Variants in FAT1 observed in about 807,000 individuals in gnomAD.
FAT1 encodes protocadherin Fat 1.
Under a neutral mutation model 329.8 loss-of-function variants are expected in FAT1, and 171 were observed. The observed-to-expected ratio is 0.52, with a 90% CI of 0.46 to 0.59. FAT1 has a LOEUF of 0.59. Ranked by LOEUF, FAT1 falls within the 20% of genes least tolerant of loss-of-function variation. The probability of loss-of-function intolerance (pLI) is 0.00; values close to 1 mark genes in which losing one functional copy is unlikely to be tolerated. For synonymous variants in FAT1, 2,233 were observed against 2,228.6 expected (o/e 1.00, Z -0.06); for missense variants, 5,672 against 5,774.4 (o/e 0.98, Z 0.57).
At chr4:186,723,189 C>G (rs1187040041) in intron 1 of FAT1, among the ~76,000 whole-genome samples, 1 of 152,260 alleles carries the variant, frequency 6.6e-6, no homozygotes, top group East Asian at 1.9e-4. Flanking sequence ...CGCAGCCCTT[C>G]ACTCCGCAGT....
intron 2 of FAT1, among the ~76,000 whole-genome samples, chr4:186,691,554 G>A (rs968894732): frequency 1.3e-5 from 2 of 152,156 alleles, no homozygotes; most frequent in Non-Finnish European, 2.9e-5. Context: ...TAATGTCAGC[G>A]CTTTGGGAGG....
In FAT1 at chr4:186,588,733, G is replaced by A. The variant is rs1738075623; in HGVS notation, c.13626C>T (p.Ser4542=). ...VESMPMSVYA[S]TASCSDVSAC... is the part of the protein sequence containing the mutation. ...CTGACACGTCAGAGCAGGAGGCGGT[G>A]GAGGCGTACACAGACATGGGCATGC... Residue 4542 remains serine (S), a synonymous_variant, in exon 27 of 27, where the codon TCC becomes TCT. Coordinates refer to ENST00000441802, the MANE Select transcript of FAT1 (RefSeq NM_005245.4). The A allele has an allele frequency of 6.2e-7, 1 of 1,613,976 alleles. No individual in the cohort carries two copies. The highest frequency in any genetic ancestry group is 8.5e-7 in the Non-Finnish European group (1 of 1,179,884).
intron 2 of FAT1, among the ~76,000 whole-genome samples, chr4:186,665,824 G>C (rs1234458098): frequency 1.3e-5 from 2 of 151,980 alleles, no homozygotes; most frequent in Non-Finnish European, 2.9e-5. Context: ...AAGAAAATGT[G>C]GCACCTACAC....
intron 11 of FAT1, among the ~76,000 whole-genome samples, chr4:186,614,743 A>C (rs1244719377): frequency 6.6e-6 from 1 of 152,222 alleles, no homozygotes; most frequent in East Asian, 1.9e-4. Flanking sequence ...TCATTTCCAA[A>C]TACAGGAATT....
Position 186,618,627 on chromosome 4 carries a change from G to T in FAT1, c.7959C>A (p.Gly2653=), listed in dbSNP as rs768622107. 6.2e-7 allele frequency: 1 copy of T among 1,613,998 alleles called. No homozygotes were observed. Among genetic ancestry groups the T allele is most frequent in the South Asian group, 1.1e-5 (1 of 91,084 alleles). The change falls in exon 10 of 27, where the codon GGC becomes GGA. Residue 2653 remains glycine, a synonymous_variant. Transcript: ENST00000441802. ...KENLEINKLS[G]VITTKESLIG... ...TGAGGCTCTCCTTTGTAGTGATTACGCCGGACAGTTTGTTAATTTCCAAAT... is the reference window on the plus strand; with the variant it reads ...TGAGGCTCTCCTTTGTAGTGATTACTCCGGACAGTTTGTTAATTTCCAAAT...
chr4:186,628,515 A>G lies in FAT1; in HGVS notation c.4572T>C (p.Ala1524=), dbSNP rs2126544118. ...TGACCGTGAGGGTGTGCTGGTGAAC[A>G]GCTTCATGATCCAGTTTCTCAGAAG... ...LYTSEKLDHE[A]VHQHTLTVMV... Residue 1524 remains alanine (A), a synonymous_variant, in exon 8 of 27, where the codon GCT becomes GCC. Coordinates refer to ENST00000441802, the MANE Select transcript of FAT1 (RefSeq NM_005245.4). 2 of 1,614,064 alleles carry G rather than the reference A, an allele frequency of 1.2e-6. No homozygotes were observed. Among genetic ancestry groups the G allele is most frequent in the South Asian group, 2.2e-5 (2 of 91,086 alleles).
chr4:186,690,079 A>T (rs1560994793), intron 2 of FAT1, among the ~76,000 whole-genome samples: 1 of 152,206 alleles, frequency 6.6e-6, no homozygotes, highest in East Asian at 1.9e-4. Flanking sequence ...AACAAAAAAC[A>T]TGTTACTGCA....
intron 2 of FAT1, among the ~76,000 whole-genome samples, chr4:186,669,678 C>G (rs190241868): frequency 1.3e-5 from 2 of 152,198 alleles, no homozygotes; most frequent in Admixed American, 1.3e-4. Context: ...CAGTGGAGAA[C>G]GAGACTGAAG....
At chr4:186,690,759 T>A (rs1445527125) in intron 2 of FAT1, among the ~76,000 whole-genome samples, 1 of 152,202 alleles carries the variant, frequency 6.6e-6, no homozygotes, top group Non-Finnish European at 1.5e-5. Context: ...AGTTGAACTC[T>A]ACATAAGTCT....
chr4:186,623,327 C>T (rs79713215), intron 9 of FAT1, among the ~76,000 whole-genome samples: 6,565 of 152,210 alleles, frequency 0.043, 315 homozygotes, highest in East Asian at 0.18. Context: ...CATTTTTGGC[C>T]GTCGTCAGAA....
intron 2 of FAT1, among the ~76,000 whole-genome samples, chr4:186,701,714 A>G (rs1744323865): frequency 6.6e-6 from 1 of 152,234 alleles, no homozygotes; most frequent in African/African-American, 2.4e-5. Flanking sequence ...GAGGACGTGC[A>G]GCAGGAGCAG....
intron 14 of FAT1, among the ~76,000 whole-genome samples, chr4:186,610,944 C>T (rs574540856): frequency 1.2e-4 from 18 of 151,600 alleles, no homozygotes; most frequent in Non-Finnish European, 2.4e-4. Context: ...AGCATGATAA[C>T]GAAGTCAACT....
chr4:186,647,690 AT>A (rs1376282272), intron 3 of FAT1, among the ~76,000 whole-genome samples: 1 of 151,976 alleles, frequency 6.6e-6, no homozygotes, highest in Admixed American at 6.6e-5. Context: ...GATACATACC[AT>A]TTTCACCCGA....
Position 186,589,246 on chromosome 4 carries a change from A to C in FAT1, c.13139-26T>G, listed in dbSNP as rs573650468. On this transcript the variant is annotated intron_variant, in intron 26 of 26. Coordinates refer to ENST00000441802, the MANE Select transcript of FAT1 (RefSeq NM_005245.4). Reference sequence around the variant, plus strand: ...CTTGGTGGAAAAGAAAACAGATGTCAGTGTGTTTTCTCCTAAGCTTTTGTG... The same window carrying C: ...CTTGGTGGAAAAGAAAACAGATGTCCGTGTGTTTTCTCCTAAGCTTTTGTG... The C allele has an allele frequency of 4.4e-6, 7 of 1,574,926 alleles. No homozygotes were observed. In the Admixed American group the frequency reaches 1.1e-4, roughly 25 times the overall value.
Position 186,708,606 on chromosome 4 carries a change from T to C in FAT1, c.1222A>G (p.Lys408Glu), listed in dbSNP as rs2126697708. 2 of 1,613,998 alleles carry C rather than the reference T, an allele frequency of 1.2e-6. No individual in the cohort carries two copies. The highest frequency in any genetic ancestry group is 2.2e-5 in the South Asian group (2 of 91,082). The change falls in exon 2 of 27, where the codon AAA becomes GAA. Residue 408 changes from lysine to glutamate, a missense_variant. Transcript: ENST00000441802. ...TTGTAATTTAAACTGAATTTAGCTTTTCCAGGTGTACTTTTAAAAACATAC... is the reference window on the plus strand; with the variant it reads ...TTGTAATTTAAACTGAATTTAGCTTCTCCAGGTGTACTTTTAAAAACATAC... ...LRYVFKSTPG[K>E]AKFSLNYNTG... is the part of the protein sequence containing the mutation.
Position 186,636,793 on chromosome 4 carries a change from G to C in FAT1, c.3764C>G (p.Pro1255Arg), listed in dbSNP as rs2126564439. 1.9e-6 allele frequency: 3 copies of C among 1,613,960 alleles called. No homozygotes were observed. Among genetic ancestry groups the C allele is most frequent in the Non-Finnish European group, 2.5e-6 (3 of 1,179,898 alleles). Reference sequence around the variant, plus strand: ...TTCTCGGTCTGGCTTTTCCCGCTCAGGGAGTCTGATTTTGTAGAACTTTTG... The same window carrying C: ...TTCTCGGTCTGGCTTTTCCCGCTCACGGAGTCTGATTTTGTAGAACTTTTG... ...FLQKFYKIRL[P>R]EREKPDRERN... The change falls in exon 5 of 27, where the codon CCT (proline) becomes CGT (arginine). Residue 1255 changes from proline (P) to arginine (R), a missense_variant. Pro to Arg is a moderately radical substitution (Grantham distance 103). Transcript: ENST00000441802.
rs1207942250 is a variant in FAT1 at position 186,707,778 on chromosome 4, C to T, written c.2050G>A (p.Ala684Thr). 4 of 1,613,700 alleles carry T rather than the reference C, an allele frequency of 2.5e-6. No homozygotes were observed. Among genetic ancestry groups the T allele is most frequent in the Non-Finnish European group, 3.4e-6 (4 of 1,179,894 alleles). Residue 684 changes from alanine to threonine, a missense_variant, in exon 2 of 27, where the codon GCA (alanine) becomes ACA (threonine). Ala to Thr is a moderately conservative substitution (Grantham distance 58, BLOSUM62 0). This residue lies in a region of FAT1 where 3,966 missense variants were observed against 3,915.2 expected (regional missense o/e 1.01). Coordinates refer to ENST00000441802, the MANE Select transcript of FAT1 (RefSeq NM_005245.4). ...CEETGVAKMLAEKLLQANKLH... is the reference protein window; with the variant it reads ...CEETGVAKMLTEKLLQANKLH... ...TTATTTGCCTGCAGGAGCTTCTCTG[C>T]CAGCATTTTGGCAACACCAGTCTCT...
At chr4:186,716,790 G>A (rs1487724720) in intron 1 of FAT1, among the ~76,000 whole-genome samples, 1 of 152,074 alleles carries the variant, frequency 6.6e-6, no homozygotes, top group Non-Finnish European at 1.5e-5. Context: ...TTTTTTGTTT[G>A]TTTGTTTGTT....
chr4:186,671,466 G>T (rs542713988), intron 2 of FAT1, among the ~76,000 whole-genome samples: 1 of 152,244 alleles, frequency 6.6e-6, no homozygotes, highest in Non-Finnish European at 1.5e-5. Context: ...GGGAGGCCGA[G>T]GCTGGCAGAT....
Sources: allele counts gnomAD v4.1 joint callset (sites outside exome capture counted in the v4.1 genomes callset), GRCh38; gene constraint gnomAD v4.1.1; regional missense constraint gnomAD v4.1.1; transcripts MANE v1.5; gene names NCBI Gene and HGNC (gene_info 2026-07-23, HGNC 2026-07-21).